EYA4: variants seen among roughly 807,000 people sequenced by gnomAD.
EYA4 encodes protein phosphatase EYA4.
Under a neutral mutation model 87.9 loss-of-function variants are expected in EYA4, and 31 were observed. That is an observed-to-expected ratio of 0.35 (90% CI 0.27 to 0.48). The LOEUF (loss-of-function observed/expected upper bound fraction) is 0.48, where lower values mean the gene tolerates loss of function less well. Ranked by LOEUF, EYA4 falls within the 20% of genes least tolerant of loss-of-function variation. The probability of loss-of-function intolerance (pLI) is 0.99; values close to 1 mark genes in which losing one functional copy is unlikely to be tolerated. For synonymous variants in EYA4, 263 were observed against 270.6 expected (o/e 0.97, Z 0.28); for missense variants, 678 against 761.4 (o/e 0.89, Z 1.29).
intron 2 of EYA4, 74 bp from the exon 3 acceptor site, chr6:133,382,318 G>A (rs778734394): frequency 1.1e-4 from 110 of 1,039,970 alleles, no homozygotes; most frequent in Non-Finnish European, 1.2e-4. Flanking sequence ...AGCTATATCC[G>A]CTTTAATAGT....
chr6:133,430,440 T>A (rs1583256761), intron 3 of EYA4, among the ~76,000 whole-genome samples: 1 of 152,314 alleles, frequency 6.6e-6, no homozygotes, highest in Non-Finnish European at 1.5e-5. Context: ...TAGAACTGTG[T>A]TTTTTACAAA....
rs191276065 is a variant in EYA4, at chr6:133,373,692, C to T, written c.34-8700C>T. On this transcript the variant is annotated intron_variant, in intron 2 of 19. Coordinates refer to ENST00000355286, the MANE Select transcript of EYA4 (RefSeq NM_004100.5). ...TCCATCTTTCTTGTGACACCCAGGA[C>T]GGCAAAGAAACATATAAACAAAAGG... Among the ~76,000 whole-genome samples the T allele has an allele frequency of 3.8e-3, 573 of 151,988 alleles. 2 individuals are homozygous for T. The highest frequency in any genetic ancestry group is 0.023 in the South Asian group (112 of 4,820).
intron 2 of EYA4, among the ~76,000 whole-genome samples, chr6:133,381,522 T>C (rs984719611): frequency 9.2e-5 from 14 of 152,096 alleles, no homozygotes; most frequent in African/African-American, 3.4e-4. Flanking sequence ...CCAAACCACA[T>C]ATTGGAAGTA....
chr6:133,500,894 C>G (rs1038108030), intron 13 of EYA4, among the ~76,000 whole-genome samples: 3 of 152,198 alleles, frequency 2.0e-5, no homozygotes, highest in Non-Finnish European at 4.4e-5. Flanking sequence ...TAACATGACA[C>G]TTGCCAAGTC....
intron 13 of EYA4, among the ~76,000 whole-genome samples, chr6:133,485,122 A>C (rs1203895419): frequency 6.6e-6 from 1 of 152,210 alleles, no homozygotes; most frequent in African/African-American, 2.4e-5. Flanking sequence ...GCAAAGTTCA[A>C]CTTCTCTCAG....
Position 133,461,981 on chromosome 6 carries a change from C to T in EYA4, c.438-354C>T, listed in dbSNP as rs1334668793. The T allele has an allele frequency of 8.6e-6, 3 of 347,946 alleles. No individual in the cohort carries two copies. The East Asian group carries it at 2.2e-4, about 26-fold the overall frequency. 21.6% of individuals were successfully genotyped at this position (347,946 alleles called of 1,614,324 possible). ...ATTTGCTCATGAGCATATTAATTAG[C>T]TAGTGTGTGCTCCATTTTCCTCATC... On this transcript the variant is annotated intron_variant, in intron 7 of 19. Coordinates refer to ENST00000355286, the MANE Select transcript of EYA4 (RefSeq NM_004100.5).
chr6:133,338,633 A>G (rs1387434549), intron 2 of EYA4, among the ~76,000 whole-genome samples: 1 of 152,204 alleles, frequency 6.6e-6, no homozygotes, highest in Non-Finnish European at 1.5e-5. Context: ...TCCTGCTACA[A>G]CACTTTGGAT....
chr6:133,318,179 A>G (rs970657691), intron 2 of EYA4, among the ~76,000 whole-genome samples: 26 of 152,296 alleles, frequency 1.7e-4, no homozygotes, highest in East Asian at 1.4e-3. Context: ...TTGCTGAAGC[A>G]TGGCAATTTG....
At chr6:133,267,629 C>A (rs1029611807) in intron 1 of EYA4, among the ~76,000 whole-genome samples, 1 of 152,096 alleles carries the variant, frequency 6.6e-6, no homozygotes, top group Non-Finnish European at 1.5e-5. Context: ...GTGATCCGCC[C>A]ACCTCGGCCT....
intron 2 of EYA4, among the ~76,000 whole-genome samples, chr6:133,358,195 A>G (rs1784209736): frequency 6.6e-6 from 1 of 152,178 alleles, no homozygotes; most frequent in Admixed American, 6.5e-5. Context: ...TTTTTTAGTG[A>G]GCCCTCTGGA....
At chr6:133,281,667 T>C (rs1320515708) in intron 2 of EYA4, among the ~76,000 whole-genome samples, 1 of 152,178 alleles carries the variant, frequency 6.6e-6, no homozygotes, top group Non-Finnish European at 1.5e-5. Context: ...GTTTTTGTCA[T>C]GGGTATATTG....
intron 2 of EYA4, among the ~76,000 whole-genome samples, chr6:133,311,615 G>A (rs1290069005): frequency 6.6e-6 from 1 of 151,150 alleles, no homozygotes; most frequent in Non-Finnish European, 1.5e-5. Context: ...CACTGCACCC[G>A]GCTTAAATTT....
intron 2 of EYA4, among the ~76,000 whole-genome samples, chr6:133,365,727 G>A (rs1025164834): frequency 4.6e-5 from 7 of 152,050 alleles, no homozygotes; most frequent in African/African-American, 1.7e-4. Context: ...GGTGATACCT[G>A]GTTGTCTGGT....
At chr6:133,462,248 G>C (rs947827649) in intron 7 of EYA4, 87 bp from the exon 8 acceptor site, 13 of 1,372,676 alleles carry the variant, frequency 9.5e-6, no homozygotes, top group Non-Finnish European at 1.2e-5. Context: ...TTACTTCCTG[G>C]ATATTATAGG....
chr6:133,423,265 A>G (rs546285809), intron 3 of EYA4, among the ~76,000 whole-genome samples: 29 of 152,304 alleles, frequency 1.9e-4, no homozygotes, highest in Middle Eastern at 6.8e-3. Context: ...ACACAAAAAT[A>G]TATGCTAGTA....
At chr6:133,328,940 A>G (rs1299881237) in intron 2 of EYA4, among the ~76,000 whole-genome samples, 1 of 152,124 alleles carries the variant, frequency 6.6e-6, no homozygotes, top group East Asian at 1.9e-4. Context: ...ATTTCAACAA[A>G]TAGAGGGCCA....
At chr6:133,503,016 A>G (rs972818717) in intron 13 of EYA4, among the ~76,000 whole-genome samples, 5 of 152,154 alleles carry the variant, frequency 3.3e-5, no homozygotes, top group Non-Finnish European at 4.4e-5. Flanking sequence ...AGCTTGAAAA[A>G]CAAATGACCA....
intron 3 of EYA4, among the ~76,000 whole-genome samples, chr6:133,400,752 T>G (rs1004122087): frequency 4.6e-5 from 7 of 152,130 alleles, no homozygotes; most frequent in Non-Finnish European, 1.0e-4. Flanking sequence ...TCTTAAATTG[T>G]TATTTAGAAT....
At chr6:133,352,841 A>G (rs1783739684) in intron 2 of EYA4, among the ~76,000 whole-genome samples, 1 of 152,182 alleles carries the variant, frequency 6.6e-6, no homozygotes. Context: ...AAGTTGGAAA[A>G]TCAGTCGCCT....
Sources: allele counts gnomAD v4.1 joint callset (sites outside exome capture counted in the v4.1 genomes callset), GRCh38; gene constraint gnomAD v4.1.1; transcripts MANE v1.5; gene names NCBI Gene and HGNC (gene_info 2026-07-23, HGNC 2026-07-21).